The following COPG2 variants were observed in gnomAD, a reference collection of about 807,000 sequenced individuals.
COPG2 encodes the protein coat protein complex I subunit gamma 2, also known as coatomer subunit gamma-2.
In COPG2, 37 loss-of-function variants were observed where a neutral mutation model predicts 46.3. That is an observed-to-expected ratio of 0.80 (90% CI 0.61 to 1.05). COPG2 has a LOEUF of 1.05. COPG2 is among the 50% of genes least tolerant of loss of function. The pLI is 0.00. For missense variants in COPG2, 427 were observed against 387.8 expected, an observed-to-expected ratio of 1.10 and a Z score of -0.85; for synonymous variants, 159 against 129.7, an observed-to-expected ratio of 1.23 and a Z score of -1.53.
intron 20 of COPG2, among the ~76,000 whole-genome samples, chr7:130,519,366 C>T (rs1279551497): frequency 3.3e-5 from 5 of 152,068 alleles, no homozygotes; most frequent in Admixed American, 6.5e-5. Flanking sequence ...ATTAATGCGA[C>T]GGACTTAAAA....
intron 5 of COPG2, chr7:130,645,315 T>C (rs1260727064): frequency 5.0e-6 from 3 of 594,868 alleles, no homozygotes; most frequent in Non-Finnish European, 1.0e-5. Context: ...GGGAGTTTTG[T>C]AGTAATTCTT....
chr7:130,512,450 T>C (rs957597169), intron 20 of COPG2, among the ~76,000 whole-genome samples: 1 of 151,552 alleles, frequency 6.6e-6, no homozygotes, highest in Non-Finnish European at 1.5e-5. Context: ...TGGGTGATTA[T>C]GAAGAGTGAA....
chr7:130,632,894 A>G (rs1394961557), intron 5 of COPG2, among the ~76,000 whole-genome samples: 1 of 151,858 alleles, frequency 6.6e-6, no homozygotes, highest in Non-Finnish European at 1.5e-5. Context: ...TCCCTCCTCT[A>G]GCCCCCCACC....
intron 20 of COPG2, chr7:130,509,167 G>A: frequency 2.2e-6 from 1 of 447,602 alleles, no homozygotes; most frequent in Non-Finnish European, 4.4e-6. Context: ...GAGAGAACTT[G>A]CTTTATCTGT....
intron 11 of COPG2, among the ~76,000 whole-genome samples, chr7:130,562,466 A>C (rs939860726): frequency 6.6e-6 from 1 of 152,238 alleles, no homozygotes; most frequent in Non-Finnish European, 1.5e-5. Context: ...CAATTAATTT[A>C]TAATTATGTA....
intron 11 of COPG2, among the ~76,000 whole-genome samples, chr7:130,562,382 A>C (rs1490711229): frequency 1.3e-5 from 2 of 152,018 alleles, no homozygotes; most frequent in African/African-American, 4.8e-5. Context: ...TAAATAAAAA[A>C]CCATTTAAAT....
chr7:130,584,368 A>G (rs1794224051), intron 9 of COPG2, among the ~76,000 whole-genome samples: 1 of 152,064 alleles, frequency 6.6e-6, no homozygotes, highest in Non-Finnish European at 1.5e-5. Context: ...TGAATGGGGA[A>G]AAGTTGAAAG....
At chr7:130,628,541 A>AT (rs1169851960) in intron 5 of COPG2, among the ~76,000 whole-genome samples, 1 of 152,092 alleles carries the variant, frequency 6.6e-6, no homozygotes, top group African/African-American at 2.4e-5. Context: ...TTACACTACT[A>AT]TTTTTTGTTT....
chr7:130,668,686 C>A lies in COPG2; in HGVS notation c.-18G>T. The A allele has an allele frequency of 6.5e-7, 1 of 1,528,532 alleles. No individual in the cohort carries two copies. Among genetic ancestry groups the A allele is most frequent in the East Asian group, 2.8e-5 (1 of 36,084 alleles). 94.7% of individuals were successfully genotyped at this position (1,528,532 alleles called of 1,614,324 possible). A position where few individuals can be genotyped will look rare whatever the true frequency, so the allele number is the denominator to read the frequency against. ...TTAATCATCTTGGACGACTTCCCAG[C>A]GCCCAGACCCACCGCAACCGTCCCA... On this transcript the variant is annotated 5_prime_UTR_variant, in exon 1 of 24. Transcript: ENST00000425248.
rs782816719 is a variant in COPG2, at chr7:130,506,318, TC to T, written c.*357del. On this transcript the variant is annotated 3_prime_UTR_variant, in exon 24 of 24. Coordinates refer to ENST00000425248, the MANE Select transcript of COPG2 (RefSeq NM_012133.6). ...GTGGACTCTGGCTTCCCCTCCCCCC[TC>T]CCCCCCACCCCTCTGGGATAAAAAT... The T allele has an allele frequency of 7.6e-5, 2 of 26,316 alleles. No individual in the cohort carries two copies. Among genetic ancestry groups the T allele is most frequent in the Admixed American group, 2.6e-4 (1 of 3,890 alleles). The allele number at this position is 26,316 out of a possible 1,614,324, so 1.6% of individuals were successfully genotyped here.
At chr7:130,625,731 T>C (rs1415145524) in intron 5 of COPG2, among the ~76,000 whole-genome samples, 3 of 152,002 alleles carry the variant, frequency 2.0e-5, no homozygotes, top group Non-Finnish European at 2.9e-5. Context: ...TTTTCAAAAA[T>C]AGGATTTTGA....
chr7:130,560,205 GT>G (rs1793695787), intron 12 of COPG2, among the ~76,000 whole-genome samples: 1 of 151,902 alleles, frequency 6.6e-6, no homozygotes, highest in African/African-American at 2.4e-5. Flanking sequence ...TTTTTTAAAA[GT>G]TTTTCATTAA....
chr7:130,512,501 C>T (rs1554441162), intron 20 of COPG2, among the ~76,000 whole-genome samples: 2 of 151,716 alleles, frequency 1.3e-5, no homozygotes, highest in Middle Eastern at 3.4e-3. Flanking sequence ...ATGGTAAGGC[C>T]GGGTGCAGTG....
chr7:130,643,320 A>G (rs782265854), intron 5 of COPG2, among the ~76,000 whole-genome samples: 3 of 151,822 alleles, frequency 2.0e-5, no homozygotes, highest in Non-Finnish European at 4.4e-5. Context: ...CACAAAAACT[A>G]TAAATTTTAT....
intron 5 of COPG2, among the ~76,000 whole-genome samples, chr7:130,647,621 G>A (rs1354313273): frequency 6.6e-6 from 1 of 151,684 alleles, no homozygotes; most frequent in Non-Finnish European, 1.5e-5. Flanking sequence ...ACAGTGTATG[G>A]GAGTTTCAAT....
chr7:130,519,705 CCAAAGCT>C (rs1447599595), intron 20 of COPG2, among the ~76,000 whole-genome samples: 1 of 151,978 alleles, frequency 6.6e-6, no homozygotes, highest in African/African-American at 2.4e-5. Context: ...TATACTTAAG[CCAAAGCT>C]CATGATAGAA....
chr7:130,591,745 G>C (rs1258623376), intron 9 of COPG2, among the ~76,000 whole-genome samples: 2 of 135,238 alleles, frequency 1.5e-5, no homozygotes, highest in African/African-American at 5.9e-5. Context: ...TCAGCCCCCC[G>C]CCCGGCCAGC....
chr7:130,601,645 T>C (rs999401950), intron 9 of COPG2, among the ~76,000 whole-genome samples: 1 of 151,700 alleles, frequency 6.6e-6, no homozygotes, highest in Non-Finnish European at 1.5e-5. Context: ...GAGAGGAACA[T>C]CACACACCGG....
At position 130,641,938 on chromosome 7, in the gene COPG2, T is replaced by C. The variant is rs572485649; in HGVS notation, c.323+10931A>G. On this transcript the variant is annotated intron_variant, in intron 5 of 23. Coordinates refer to ENST00000425248, the MANE Select transcript of COPG2 (RefSeq NM_012133.6). ...ATTTATTTCTTCCTAAACCATGGTC[T>C]TTGAATTTTTCATTTGATTTTCTGA... is the stretch of plus-strand genomic sequence containing the variant. Among the ~76,000 whole-genome samples the C allele has an allele frequency of 5.9e-5, 9 of 152,320 alleles. No homozygotes were observed. In the South Asian group the frequency reaches 1.9e-3, roughly 32 times the overall value.
Sources: gnomAD v4.1 joint callset for allele counts (sites outside exome capture counted in the v4.1 genomes callset) on GRCh38, gnomAD v4.1.1 for gene constraint, MANE v1.5 for transcripts, NCBI Gene and HGNC (gene_info 2026-07-23, HGNC 2026-07-21) for gene names.